Variants in DMD observed in about 807,000 individuals in gnomAD.
DMD encodes mutant dystrophin.
DMD carries 63 observed loss-of-function variants against 330.1 expected under a neutral mutation model. The observed-to-expected ratio is 0.19, with a 90% CI of 0.16 to 0.24. The LOEUF is 0.24. Ranked by LOEUF, DMD falls within the 10% of genes least tolerant of loss-of-function variation. The pLI, the probability that DMD is intolerant of heterozygous loss-of-function variation, is 1.00. For synonymous variants in DMD, 1,223 were observed against 959.8 expected (o/e 1.27, Z -5.07); for missense variants, 3,344 against 2,684.1 (o/e 1.25, Z -5.43).
intron 63 of DMD, among the ~76,000 whole-genome samples, chrX:31,239,222 G>C (rs779524312): frequency 1.8e-5 from 2 of 111,836 alleles, no homozygotes; most frequent in Non-Finnish European, 3.8e-5. Flanking sequence ...TCTCAAGGTG[G>C]GAATGTGGTT....
At chrX:31,285,738 T>C (rs1336066112) in intron 62 of DMD, among the ~76,000 whole-genome samples, 3 of 112,020 alleles carry the variant, frequency 2.7e-5, no homozygotes, top group African/African-American at 9.7e-5. Flanking sequence ...CCAGCTGGCA[T>C]ATCATGAGCC....
intron 60 of DMD, among the ~76,000 whole-genome samples, chrX:31,400,782 G>C (rs1201489430): frequency 8.9e-6 from 1 of 111,989 alleles, no homozygotes; most frequent in African/African-American, 3.2e-5. Flanking sequence ...TTAGCTTTTC[G>C]ACTTAGCAGG....
At chrX:32,904,478 G>A in intron 2 of DMD, among the ~76,000 whole-genome samples, 1 of 112,299 alleles carries the variant, frequency 8.9e-6, no homozygotes, top group South Asian at 3.7e-4. Flanking sequence ...GAAAATTCAA[G>A]AAGGTTTTGA....
chrX:31,374,493 T>G (rs1269353368), intron 60 of DMD, among the ~76,000 whole-genome samples: 2 of 108,836 alleles, frequency 1.8e-5, no homozygotes, highest in East Asian at 5.9e-4. Context: ...TATGCAGCCA[T>G]AAAAAATGAT....
intron 44 of DMD, among the ~76,000 whole-genome samples, chrX:32,128,603 G>A (rs773192421): frequency 3.2e-4 from 36 of 111,809 alleles, no homozygotes; most frequent in African/African-American, 1.1e-3. Context: ...CTATTGAGTT[G>A]CCTGTAAAAC....
intron 50 of DMD, among the ~76,000 whole-genome samples, chrX:31,791,181 T>C (rs1044776045): frequency 1.8e-5 from 2 of 112,137 alleles, no homozygotes; most frequent in African/African-American, 6.5e-5. Context: ...CTCTTTACTC[T>C]TAGAGTTGAT....
intron 27 of DMD, among the ~76,000 whole-genome samples, chrX:32,441,566 A>C (rs1210184336): frequency 9.0e-6 from 1 of 111,694 alleles, no homozygotes; most frequent in Non-Finnish European, 1.9e-5. Context: ...TTTTTAAAAT[A>C]AAAATAAGCA....
intron 1 of DMD, among the ~76,000 whole-genome samples, chrX:33,184,635 C>CTT (rs980364925): frequency 7.3e-5 from 8 of 109,175 alleles, no homozygotes; most frequent in Admixed American, 5.9e-4. Flanking sequence ...AAAATTGATA[C>CTT]TTTATTTCCT....
In DMD at chrX:33,121,946, C is replaced by T. The variant is rs530875538; in HGVS notation, c.31+89336G>A. Among the ~76,000 whole-genome samples the T allele has an allele frequency of 2.0e-4, 23 of 112,334 alleles. No homozygotes were observed. In the South Asian group the frequency reaches 3.7e-3, roughly 18 times the overall value. On this transcript the variant is annotated intron_variant, in intron 1 of 78. Transcript: ENST00000357033. ...ATGATTCCAAAGGTGCTTAAATCAG[C>T]CGGCCATGGTGGTTCATGCCTGTAA... is the stretch of plus-strand genomic sequence containing the variant.
At chrX:32,780,949 A>T (rs953871401) in intron 7 of DMD, among the ~76,000 whole-genome samples, 10 of 107,579 alleles carry the variant, frequency 9.3e-5, no homozygotes, top group African/African-American at 2.0e-4. Flanking sequence ...AAAAATAAAA[A>T]AAAATAAAAA....
At chrX:32,975,691 T>C (rs940027789) in intron 2 of DMD, among the ~76,000 whole-genome samples, 2 of 110,962 alleles carry the variant, frequency 1.8e-5, no homozygotes, top group Admixed American at 1.9e-4. Flanking sequence ...CTTTTTCATC[T>C]TTCTGCTCTG....
intron 62 of DMD, among the ~76,000 whole-genome samples, chrX:31,321,716 C>T (rs1360599568): frequency 2.8e-5 from 3 of 107,860 alleles, no homozygotes; most frequent in African/African-American, 1.0e-4. Context: ...TTGAAGTTTT[C>T]TTATTCATAG....
In DMD at chrX:31,656,180, T is replaced by C. The variant is rs182174916; in HGVS notation, c.8027+1810A>G. On this transcript the variant is annotated intron_variant, in intron 54 of 78. Transcript: ENST00000357033. ...CATGAGTCAGAAGTAGCTTGGTGAA[T>C]TGCAGATTCTGTACAGGCTAAAAAT... Among the ~76,000 whole-genome samples, 6 of 112,252 alleles carry C rather than the reference T, an allele frequency of 5.3e-5. No homozygotes were observed. In the East Asian group the frequency reaches 8.4e-4, roughly 16 times the overall value.
At chrX:32,414,878 T>C (rs1267656284) in intron 29 of DMD, among the ~76,000 whole-genome samples, 3 of 112,008 alleles carry the variant, frequency 2.7e-5, no homozygotes, top group Non-Finnish European at 3.8e-5. Flanking sequence ...AATTCAAACA[T>C]AGCTTCCTTT....
At chrX:31,185,520 T>C (rs984587227) in intron 67 of DMD, among the ~76,000 whole-genome samples, 1 of 112,272 alleles carries the variant, frequency 8.9e-6, no homozygotes, top group Non-Finnish European at 1.9e-5. Context: ...TATTGTACTT[T>C]TGACATCTAG....
At chrX:31,914,733 A>C (rs55633269) in intron 47 of DMD, among the ~76,000 whole-genome samples, 15,827 of 111,657 alleles carry the variant, frequency 0.14, 882 homozygotes, top group African/African-American at 0.16. Flanking sequence ...AGAGGCTGGG[A>C]AGGATAGTGG....
At chrX:32,633,201 A>G (rs1366980817) in intron 11 of DMD, among the ~76,000 whole-genome samples, 1 of 111,940 alleles carries the variant, frequency 8.9e-6, no homozygotes, top group Admixed American at 9.5e-5. Context: ...AAGTGGCCAC[A>G]CAACGTCTTG....
At chrX:31,971,441 T>A (rs915106022) in intron 44 of DMD, among the ~76,000 whole-genome samples, 1 of 111,468 alleles carries the variant, frequency 9.0e-6, no homozygotes, top group Non-Finnish European at 1.9e-5. Flanking sequence ...TTTAAAATTG[T>A]TAGATCTAAA....
intron 2 of DMD, among the ~76,000 whole-genome samples, chrX:33,010,068 ACACAAATGTG>A (rs1261124970): frequency 1.6e-5 from 1 of 60,683 alleles, no homozygotes; most frequent in African/African-American, 7.5e-5. Flanking sequence ...GTGTATATAT[ACACAAATGTG>A]CACATGTGTA....
Sources: allele counts gnomAD v4.1 joint callset (sites outside exome capture counted in the v4.1 genomes callset), GRCh38; gene constraint gnomAD v4.1.1; transcripts MANE v1.5; gene names NCBI Gene and HGNC (gene_info 2026-07-23, HGNC 2026-07-21).